The following ERO1A variants were observed in gnomAD, a reference collection of about 807,000 sequenced individuals.
The protein encoded by ERO1A is endoplasmic reticulum oxidoreductase 1 alpha, also known as ERO1-like protein alpha.
In ERO1A, 49 loss-of-function variants were observed where a neutral mutation model predicts 76.9. The ratio of observed to expected loss-of-function variants is 0.64; its 90% CI spans 0.51 to 0.81. ERO1A has a LOEUF of 0.81. Among genes scored for constraint, ERO1A ranks in the 30% least tolerant of loss-of-function variants. ERO1A has a pLI of 0.00. For missense variants in ERO1A, 448 were observed against 542.1 expected, an observed-to-expected ratio of 0.83 and a Z score of 1.72; for synonymous variants, 174 against 181.2, an observed-to-expected ratio of 0.96 and a Z score of 0.32.
intron 3 of ERO1A, among the ~76,000 whole-genome samples, chr14:52,681,908 C>A (rs968964592): frequency 9.2e-5 from 14 of 151,736 alleles, no homozygotes; most frequent in African/African-American, 3.4e-4. Flanking sequence ...AAATATCAGG[C>A]CAAAAGAATT....
chr14:52,684,320 A>G (rs933565089), intron 1 of ERO1A, among the ~76,000 whole-genome samples: 1 of 152,156 alleles, frequency 6.6e-6, no homozygotes, highest in African/African-American at 2.4e-5. Context: ...GACCAGTAAA[A>G]CAAATACTCC....
At chr14:52,647,243 G>A (rs11157926) in intron 13 of ERO1A, 126,987 of 144,546 alleles carry the variant, frequency 0.88, 56,130 homozygotes, top group East Asian at 0.98. Flanking sequence ...CTCGTGATCC[G>A]CCCACCTCGA....
chr14:52,682,246 T>A lies in ERO1A; in HGVS notation c.318+79A>T, dbSNP rs573223814. 2.0e-4 allele frequency: 235 copies of A among 1,175,598 alleles called. No individual in the cohort carries two copies. The South Asian group carries it at 3.2e-3, about 16-fold the overall frequency. 72.8% of individuals were successfully genotyped at this position (1,175,598 alleles called of 1,614,324 possible). On this transcript the variant is annotated intron_variant, in intron 3 of 15. Transcript: ENST00000395686. ...TCATCTCTATTTTTTCAAAAAAAAA[T>A]TCTTAAATAAAACAAAACAAAAAGT...
At chr14:52,678,610 C>T (rs2139745122) in intron 3 of ERO1A, 138 bp from the exon 4 acceptor site, 1 of 650,832 alleles carries the variant, frequency 1.5e-6, no homozygotes, top group Non-Finnish European at 2.6e-6. Flanking sequence ...AGGTAGTATT[C>T]ATATGATTGC....
At chr14:52,682,142 C>T (rs563772543) in intron 3 of ERO1A, among the ~76,000 whole-genome samples, 183 bp downstream of exon 3, 2 of 152,182 alleles carry the variant, frequency 1.3e-5, no homozygotes, top group Admixed American at 1.3e-4. Flanking sequence ...ACCTGTAATC[C>T]CAGCACTCTG....
rs566931607 is a variant in ERO1A at position 52,644,093 on chromosome 14, T to G, written c.1347-463A>C. On this transcript the variant is annotated intron_variant, in intron 15 of 15. Transcript: ENST00000395686. Reference sequence around the variant, plus strand: ...AGTTCAAGGTTACAGTGAGCTATGATCATGCCACTGCACTCCAGCCTGGGC... The same window carrying G: ...AGTTCAAGGTTACAGTGAGCTATGAGCATGCCACTGCACTCCAGCCTGGGC... Among the ~76,000 whole-genome samples, 62 of 152,264 alleles carry G rather than the reference T, an allele frequency of 4.1e-4. 1 individual carries two copies. The highest frequency in any genetic ancestry group is 1.3e-3 in the African/African-American group (56 of 41,554).
At chr14:52,647,749 C>T (rs1424252574) in intron 13 of ERO1A, among the ~76,000 whole-genome samples, 3 of 152,148 alleles carry the variant, frequency 2.0e-5, no homozygotes, top group African/African-American at 7.2e-5. Context: ...CCAAGAGACT[C>T]CTGTACTGGA....
intron 4 of ERO1A, among the ~76,000 whole-genome samples, chr14:52,677,864 T>TAAAAAA (rs71267893): frequency 5.7e-5 from 5 of 87,138 alleles, no homozygotes; most frequent in South Asian, 8.8e-4. Flanking sequence ...CCTTTTATCT[T>TAAAAAA]AAAAAAAAAA....
At chr14:52,647,142 A>ATTTTTTTTTTT (rs58456682) in intron 13 of ERO1A, 17 of 62,194 alleles carry the variant, frequency 2.7e-4, no homozygotes, top group African/African-American at 1.1e-3. Context: ...CGCCCAGCTA[A>ATTTTTTTTTTT]TTTTTTTTTT....
intron 2 of ERO1A, 24 bp from the exon 3 acceptor site, chr14:52,682,432 A>G (rs2041029390): frequency 6.6e-7 from 1 of 1,521,500 alleles, no homozygotes; most frequent in Non-Finnish European, 9.0e-7. Flanking sequence ...ATAGAAAAAA[A>G]ATTATAAAAA....
intron 4 of ERO1A, among the ~76,000 whole-genome samples, chr14:52,674,589 T>G (rs1448050163): frequency 1.3e-5 from 2 of 152,240 alleles, no homozygotes; most frequent in Non-Finnish European, 2.9e-5. Context: ...CTTCTGCCAC[T>G]GGAACCAAGT....
intron 6 of ERO1A, among the ~76,000 whole-genome samples, chr14:52,667,516 T>C (rs938879343): frequency 3.3e-5 from 5 of 152,070 alleles, no homozygotes; most frequent in African/African-American, 1.2e-4. Context: ...CCAGGAGTGA[T>C]TCTAAAATTC....
At chr14:52,667,481 A>C (rs2040451064) in intron 6 of ERO1A, among the ~76,000 whole-genome samples, 1 of 152,236 alleles carries the variant, frequency 6.6e-6, no homozygotes, top group Admixed American at 6.5e-5. Flanking sequence ...GCATTCTCGG[A>C]GGCCTGGGGG....
chr14:52,674,218 A>AT (rs938774228), intron 4 of ERO1A, among the ~76,000 whole-genome samples: 9 of 151,740 alleles, frequency 5.9e-5, no homozygotes, highest in African/African-American at 1.7e-4. Context: ...AAATCGAACA[A>AT]TTTTTTTTTC....
At chr14:52,691,035 G>A (rs1243009704) in intron 1 of ERO1A, among the ~76,000 whole-genome samples, 1 of 152,112 alleles carries the variant, frequency 6.6e-6, no homozygotes. Context: ...CCAAAGTGTT[G>A]GAATTACAGG....
At chr14:52,653,941 C>CTT (rs2039959946) in intron 11 of ERO1A, among the ~76,000 whole-genome samples, 1 of 151,854 alleles carries the variant, frequency 6.6e-6, no homozygotes, top group Admixed American at 6.6e-5. Context: ...AAAAATAGAC[C>CTT]TTAGGTGCAA....
chr14:52,654,527 G>GT (rs2039979443), intron 11 of ERO1A, among the ~76,000 whole-genome samples: 1 of 152,118 alleles, frequency 6.6e-6, no homozygotes, highest in Admixed American at 6.6e-5. Context: ...TCATGAGGAT[G>GT]TTTTTTATAT....
At chr14:52,654,493 T>G (rs1318705455) in intron 11 of ERO1A, among the ~76,000 whole-genome samples, 1 of 152,148 alleles carries the variant, frequency 6.6e-6, no homozygotes, top group Non-Finnish European at 1.5e-5. Flanking sequence ...TTTGTTCAGG[T>G]AAGAACTAGG....
At chr14:52,685,147 G>A (rs7150787) in intron 1 of ERO1A, among the ~76,000 whole-genome samples, 22,636 of 151,906 alleles carry the variant, frequency 0.15, 1,910 homozygotes, top group African/African-American at 0.23. Flanking sequence ...TCAGAACACT[G>A]TAAAATCCTA....
Sources: allele counts gnomAD v4.1 joint callset (sites outside exome capture counted in the v4.1 genomes callset), GRCh38; gene constraint gnomAD v4.1.1; transcripts MANE v1.5; gene names NCBI Gene and HGNC (gene_info 2026-07-23, HGNC 2026-07-21).